Variants in TTLL5 observed in about 807,000 individuals in gnomAD.
The protein encoded by TTLL5 is tubulin polyglutamylase TTLL5.
Under a neutral mutation model 168.4 loss-of-function variants are expected in TTLL5, and 132 were observed. The ratio of observed to expected loss-of-function variants is 0.78; its 90% CI spans 0.68 to 0.91. The LOEUF (loss-of-function observed/expected upper bound fraction) is 0.91. Ranked by LOEUF, TTLL5 falls within the 40% of genes least tolerant of loss-of-function variation. The probability of loss-of-function intolerance (pLI) is 0.00; values close to 1 mark genes in which losing one functional copy is unlikely to be tolerated. For missense variants in TTLL5, 1,545 were observed against 1,581.5 expected, an observed-to-expected ratio of 0.98 and a Z score of 0.39; for synonymous variants, 546 against 558.6, an observed-to-expected ratio of 0.98 and a Z score of 0.32.
At chr14:75,857,024 G>T (rs1897164479) in intron 28 of TTLL5, among the ~76,000 whole-genome samples, 1 of 152,140 alleles carries the variant, frequency 6.6e-6, no homozygotes, top group Non-Finnish European at 1.5e-5. Context: ...CTGCAACTTT[G>T]CTACATTTAT....
At chr14:75,914,207 C>T (rs1453444845) in intron 31 of TTLL5, among the ~76,000 whole-genome samples, 1 of 151,164 alleles carries the variant, frequency 6.6e-6, no homozygotes, top group East Asian at 1.9e-4. Flanking sequence ...TTTAACACTT[C>T]TTCAGATTTT....
chr14:75,668,274 T>C (rs758457358), intron 2 of TTLL5, among the ~76,000 whole-genome samples: 1 of 152,196 alleles, frequency 6.6e-6, no homozygotes, highest in East Asian at 1.9e-4. Context: ...GAAATGCGAT[T>C]AGGGAGGCAA....
chr14:75,754,932 G>C (rs1890150589), intron 18 of TTLL5, among the ~76,000 whole-genome samples: 1 of 151,996 alleles, frequency 6.6e-6, no homozygotes, highest in Admixed American at 6.6e-5. Flanking sequence ...CCAGTTAACA[G>C]CTCCTGCTTA....
intron 28 of TTLL5, among the ~76,000 whole-genome samples, chr14:75,833,284 G>A (rs1184639623): frequency 6.6e-6 from 1 of 152,106 alleles, no homozygotes; most frequent in African/African-American, 2.4e-5. Flanking sequence ...TCTGCTGTTC[G>A]GTACATCTTC....
intron 26 of TTLL5, among the ~76,000 whole-genome samples, chr14:75,786,222 A>G (rs1892353334): frequency 6.6e-6 from 1 of 152,194 alleles, no homozygotes; most frequent in South Asian, 2.1e-4. Context: ...GGTAATAATA[A>G]TGATCAATAA....
intron 28 of TTLL5, 61 bp from the exon 29 acceptor site, chr14:75,863,605 CT>C: frequency 7.0e-7 from 1 of 1,438,728 alleles, no homozygotes; most frequent in South Asian, 1.5e-5. Context: ...TATTTCTCTC[CT>C]TTCCTCTAGA....
intron 29 of TTLL5, among the ~76,000 whole-genome samples, chr14:75,877,663 CTG>C (rs1334654194): frequency 6.6e-6 from 1 of 152,178 alleles, no homozygotes; most frequent in East Asian, 1.9e-4. Context: ...GCTCCTATGC[CTG>C]TGTTGTTAAT....
intron 13 of TTLL5, 59 bp downstream of exon 13, chr14:75,732,478 T>C: frequency 1.0e-5 from 15 of 1,435,294 alleles, no homozygotes; most frequent in Middle Eastern, 3.6e-4. Context: ...TAAAGCACTT[T>C]TTTTTTTTTG....
intron 15 of TTLL5, among the ~76,000 whole-genome samples, chr14:75,739,932 A>G (rs1889147213): frequency 6.6e-6 from 1 of 152,148 alleles, no homozygotes; most frequent in South Asian, 2.1e-4. Context: ...TGTTTTTCAC[A>G]TTTGCCATCA....
intron 28 of TTLL5, chr14:75,838,115 AG>A (rs1386505067): frequency 6.6e-6 from 1 of 152,190 alleles, no homozygotes; most frequent in Non-Finnish European, 1.5e-5. Flanking sequence ...CCTATATAAA[AG>A]CACTACATGG....
intron 28 of TTLL5, among the ~76,000 whole-genome samples, chr14:75,827,740 A>C (rs1463255735): frequency 1.5e-5 from 1 of 65,890 alleles, no homozygotes; most frequent in Admixed American, 1.7e-4. Flanking sequence ...TTTTTTTTTG[A>C]AACAAGGTCT....
intron 21 of TTLL5, among the ~76,000 whole-genome samples, chr14:75,773,773 C>A (rs988577136): frequency 6.6e-6 from 1 of 150,802 alleles, no homozygotes; most frequent in African/African-American, 2.4e-5. Flanking sequence ...ACCTATAGTC[C>A]CAGCTACTTG....
chr14:75,679,149 T>C (rs1450231436), intron 3 of TTLL5, among the ~76,000 whole-genome samples: 3 of 152,166 alleles, frequency 2.0e-5, no homozygotes, highest in Non-Finnish European at 2.9e-5. Flanking sequence ...TGAATTAAGG[T>C]TTAGATGGAA....
At chr14:75,827,077 G>A (rs556866249) in intron 28 of TTLL5, among the ~76,000 whole-genome samples, 1 of 152,212 alleles carries the variant, frequency 6.6e-6, no homozygotes, top group Admixed American at 6.5e-5. Context: ...TAAAACTATA[G>A]AACTATATAT....
intron 28 of TTLL5, among the ~76,000 whole-genome samples, chr14:75,844,282 C>T (rs1049272412): frequency 6.6e-6 from 1 of 152,142 alleles, no homozygotes; most frequent in African/African-American, 2.4e-5. Context: ...TCAATTGCTC[C>T]AACTTCATTT....
intron 27 of TTLL5, among the ~76,000 whole-genome samples, chr14:75,798,641 C>T (rs1178960856): frequency 6.6e-6 from 1 of 152,020 alleles, no homozygotes; most frequent in Non-Finnish European, 1.5e-5. Flanking sequence ...TGCTGTATCC[C>T]AGAGATTTTG....
intron 18 of TTLL5, among the ~76,000 whole-genome samples, chr14:75,763,057 A>G (rs1890749993): frequency 1.3e-5 from 2 of 152,164 alleles, no homozygotes; most frequent in South Asian, 4.1e-4. Flanking sequence ...TTATGAGATA[A>G]TGATGTCGGT....
intron 28 of TTLL5, chr14:75,820,815 A>AG (rs1411405274): frequency 2.6e-5 from 4 of 153,062 alleles, no homozygotes; most frequent in African/African-American, 9.7e-5. Context: ...TAAAAAAAAA[A>AG]AAAAAAAGAA....
chr14:75,734,736 T>A (rs1054798237), intron 14 of TTLL5, among the ~76,000 whole-genome samples: 2 of 152,230 alleles, frequency 1.3e-5, no homozygotes, highest in Admixed American at 6.5e-5. Context: ...TTTTGAAAGT[T>A]GCCAATAGAC....
Sources: gnomAD v4.1 joint callset for allele counts (sites outside exome capture counted in the v4.1 genomes callset) on GRCh38, gnomAD v4.1.1 for gene constraint, MANE v1.5 for transcripts, NCBI Gene and HGNC (gene_info 2026-07-23, HGNC 2026-07-21) for gene names.